GRM5: variants seen among roughly 807,000 people sequenced by gnomAD.
GRM5 encodes the protein metabotropic glutamate receptor 5.
GRM5 carries 19 observed loss-of-function variants against 83.1 expected under a neutral mutation model. The observed-to-expected ratio is 0.23, with a 90% CI of 0.16 to 0.34. GRM5 has a LOEUF of 0.34. Ranked by LOEUF, GRM5 falls within the 10% of genes least tolerant of loss-of-function variation. GRM5 has a pLI of 1.00. For synonymous variants in GRM5, 675 were observed against 633.6 expected (o/e 1.07, Z -0.98); for missense variants, 1,160 against 1,588.3 (o/e 0.73, Z 4.58).
At chr11:88,654,943 C>A (rs186427481) in intron 3 of GRM5, among the ~76,000 whole-genome samples, 1 of 151,858 alleles carries the variant, frequency 6.6e-6, no homozygotes, top group African/African-American at 2.4e-5. Context: ...GGGAGTTATT[C>A]CAAATGTCAT....
intron 2 of GRM5, among the ~76,000 whole-genome samples, chr11:88,985,082 A>T (rs545627986): frequency 1.3e-5 from 2 of 151,758 alleles, no homozygotes; most frequent in Non-Finnish European, 2.9e-5. Context: ...CATAAATCCC[A>T]CTCTAAAGGA....
chr11:88,878,084 A>G (rs1288298285), intron 2 of GRM5, among the ~76,000 whole-genome samples: 3 of 150,884 alleles, frequency 2.0e-5, no homozygotes, highest in Admixed American at 1.3e-4. Context: ...ATCATCCAAG[A>G]GAAATAGCAA....
intron 3 of GRM5, among the ~76,000 whole-genome samples, chr11:88,835,339 T>C (rs777059667): frequency 1.3e-4 from 20 of 152,144 alleles, no homozygotes; most frequent in Non-Finnish European, 2.6e-4. Context: ...TGAGATAGAA[T>C]AGGTGAAGAT....
At chr11:89,061,130 G>C (rs1941982889) in intron 1 of GRM5, among the ~76,000 whole-genome samples, 2 of 151,970 alleles carry the variant, frequency 1.3e-5, no homozygotes, top group African/African-American at 4.8e-5. Flanking sequence ...ATTTTATAAA[G>C]TTGGTTTATA....
intron 4 of GRM5, among the ~76,000 whole-genome samples, chr11:88,636,154 A>G (rs944875719): frequency 6.6e-6 from 1 of 152,208 alleles, no homozygotes; most frequent in Admixed American, 6.5e-5. Context: ...TTCACTGACT[A>G]GAACCTATAG....
Position 88,567,439 on chromosome 11 carries a change from T to G in GRM5, c.2244A>C (p.Gly748=). 1 of 1,614,142 alleles carries G rather than the reference T, an allele frequency of 6.2e-7. No individual in the cohort carries two copies. Among genetic ancestry groups the G allele is most frequent in the Non-Finnish European group, 8.5e-7 (1 of 1,179,964 alleles). The part of the protein sequence containing the change: ...LGVVTPLGYN[G]LLILSCTFYA... ...AGAAGGTGCAGCTCAAAATCAACAATCCATTGTATCCAAGTGGAGTGACAA... is the reference window on the plus strand; with the variant it reads ...AGAAGGTGCAGCTCAAAATCAACAAGCCATTGTATCCAAGTGGAGTGACAA... The change falls in exon 8 of 10, where the codon GGA becomes GGC. Residue 748 remains glycine (G), a synonymous_variant. Transcript: ENST00000305447. The surrounding 1 kb of genome is among the most constrained non-coding windows in gnomAD (Gnocchi z 7.3).
chr11:89,011,745 C>G (rs891012171), intron 2 of GRM5, among the ~76,000 whole-genome samples: 1 of 152,094 alleles, frequency 6.6e-6, no homozygotes, highest in African/African-American at 2.4e-5. Context: ...TTATTAGGGG[C>G]CAGACAGTCT....
chr11:88,999,548 A>G (rs1940301511), intron 2 of GRM5, among the ~76,000 whole-genome samples: 1 of 152,208 alleles, frequency 6.6e-6, no homozygotes, highest in Admixed American at 6.5e-5. Context: ...ATACCATCTC[A>G]TACCAGTTAG....
chr11:88,953,477 C>CGAAGCAGAAATGT (rs1438342903), intron 2 of GRM5, among the ~76,000 whole-genome samples: 5 of 152,094 alleles, frequency 3.3e-5, no homozygotes, highest in Non-Finnish European at 7.4e-5. Context: ...AGAAGGTACA[C>CGAAGCAGAAATGT]GAAGCAGAAA....
intron 3 of GRM5, among the ~76,000 whole-genome samples, chr11:88,754,067 C>A (rs1591490402): frequency 6.6e-6 from 1 of 152,052 alleles, no homozygotes; most frequent in African/African-American, 2.4e-5. Context: ...GACAGAGAAC[C>A]AAACCATATC....
At chr11:88,905,044 G>A (rs1354822414) in intron 2 of GRM5, among the ~76,000 whole-genome samples, 2 of 152,152 alleles carry the variant, frequency 1.3e-5, no homozygotes, top group Non-Finnish European at 2.9e-5. Context: ...GGGCATGAAT[G>A]TGTCATACAT....
At chr11:88,789,343 A>AAAG (rs1243189010) in intron 3 of GRM5, among the ~76,000 whole-genome samples, 2 of 152,160 alleles carry the variant, frequency 1.3e-5, no homozygotes, top group Non-Finnish European at 2.9e-5. Flanking sequence ...CATTTAAATA[A>AAAG]CATAAAAGCA....
intron 2 of GRM5, among the ~76,000 whole-genome samples, chr11:89,002,810 G>T (rs1940420954): frequency 6.6e-6 from 1 of 151,972 alleles, no homozygotes; most frequent in Non-Finnish European, 1.5e-5. Flanking sequence ...TGCTCAGAAT[G>T]CTTCCCCCCC....
At chr11:88,644,116 C>T (rs1320445107) in intron 4 of GRM5, among the ~76,000 whole-genome samples, 1 of 152,064 alleles carries the variant, frequency 6.6e-6, no homozygotes, top group African/African-American at 2.4e-5. Flanking sequence ...ACATAATGGC[C>T]GTAAACAACT....
chr11:88,599,241 T>C (rs1417356808), intron 5 of GRM5, among the ~76,000 whole-genome samples: 2 of 152,230 alleles, frequency 1.3e-5, no homozygotes. Flanking sequence ...GAAAACTCTA[T>C]AGATTGGAAA....
chr11:88,911,873 G>T (rs1460099202), intron 2 of GRM5: 6 of 361,106 alleles, frequency 1.7e-5, no homozygotes, highest in Non-Finnish European at 2.8e-5. Flanking sequence ...TTGGGAAGAA[G>T]AAAAAGTCCC....
intron 3 of GRM5, among the ~76,000 whole-genome samples, chr11:88,664,926 A>C (rs958101147): frequency 6.6e-6 from 1 of 152,182 alleles, no homozygotes; most frequent in African/African-American, 2.4e-5. Context: ...TACTAAGGAA[A>C]GACTATATGT....
intron 3 of GRM5, among the ~76,000 whole-genome samples, chr11:88,828,148 G>T (rs1484686000): frequency 6.6e-6 from 1 of 152,156 alleles, no homozygotes; most frequent in Non-Finnish European, 1.5e-5. Flanking sequence ...AAGTGAATTG[G>T]GACAGGGGAG....
In GRM5 at chr11:88,653,158, A is replaced by T. The variant is rs1257145830; in HGVS notation, c.1147+10T>A. ...TTATGCATTTTAAATGAAATAATAAATCTGCTTACTATTGCAAGTCTTGTT... is the reference window on the plus strand; with the variant it reads ...TTATGCATTTTAAATGAAATAATAATTCTGCTTACTATTGCAAGTCTTGTT... On this transcript the variant is annotated intron_variant, in intron 4 of 9. Transcript: ENST00000305447. 3.4e-6 allele frequency: 5 copies of T among 1,479,122 alleles called. No homozygotes were observed. In the Admixed American group the frequency reaches 8.4e-5, roughly 25 times the overall value. The allele number at this position is 1,479,122 out of a possible 1,614,324, so 91.6% of individuals were successfully genotyped here.
Sources: allele counts gnomAD v4.1 joint callset (sites outside exome capture counted in the v4.1 genomes callset), GRCh38; gene constraint gnomAD v4.1.1; non-coding constraint Gnocchi (gnomAD v3.1); transcripts MANE v1.5; gene names NCBI Gene and HGNC (gene_info 2026-07-23, HGNC 2026-07-21).